RPS6KC1: variants seen among roughly 807,000 people sequenced by gnomAD.
RPS6KC1 encodes inactive ribosomal protein S6 kinase delta-1.
RPS6KC1 carries 54 observed loss-of-function variants against 103.8 expected under a neutral mutation model. The ratio of observed to expected loss-of-function variants is 0.52; its 90% CI spans 0.42 to 0.65. RPS6KC1 has a LOEUF of 0.65. Ranked by LOEUF, RPS6KC1 falls within the 30% of genes least tolerant of loss-of-function variation. RPS6KC1 has a pLI of 0.00. For synonymous variants in RPS6KC1, 439 were observed against 438.7 expected (o/e 1.00, Z -0.01); for missense variants, 1,151 against 1,253.8 (o/e 0.92, Z 1.24).
At chr1:213,823,100 C>T in the RPS6KC1 span, among the ~76,000 whole-genome samples, 1 of 152,178 alleles carries the variant, frequency 6.6e-6, no homozygotes, top group Non-Finnish European at 1.5e-5. Flanking sequence ...TAAATCAAAG[C>T]CTTGCTACTT....
the RPS6KC1 span, among the ~76,000 whole-genome samples, chr1:213,851,457 T>A: frequency 6.6e-6 from 1 of 152,198 alleles, no homozygotes; most frequent in East Asian, 1.9e-4. Context: ...CTGGCTCATC[T>A]TCCCCTGCCT....
At chr1:213,423,855 T>C in the RPS6KC1 span, among the ~76,000 whole-genome samples, 2 of 152,228 alleles carry the variant, frequency 1.3e-5, no homozygotes, top group Non-Finnish European at 2.9e-5. Flanking sequence ...AGAGCTCTTC[T>C]GCACAACGAG....
At chr1:213,731,099 G>A in the RPS6KC1 span, among the ~76,000 whole-genome samples, 3 of 151,670 alleles carry the variant, frequency 2.0e-5, no homozygotes, top group South Asian at 6.2e-4. Flanking sequence ...CTTATTTCTG[G>A]GTTCTCTATT....
At chr1:213,520,063 G>A in the RPS6KC1 span, among the ~76,000 whole-genome samples, 2 of 152,102 alleles carry the variant, frequency 1.3e-5, no homozygotes, top group African/African-American at 4.8e-5. Context: ...CAAACCAATG[G>A]TGGTTCTTAT....
chr1:213,106,754 G>A (rs544893139), intron 4 of RPS6KC1, among the ~76,000 whole-genome samples: 1 of 152,170 alleles, frequency 6.6e-6, no homozygotes, highest in East Asian at 1.9e-4. Context: ...ATGACCCATG[G>A]CCTGGTTTCA....
chr1:213,504,140 T>C, the RPS6KC1 span, among the ~76,000 whole-genome samples: 43 of 152,328 alleles, frequency 2.8e-4, no homozygotes, highest in African/African-American at 9.9e-4. Flanking sequence ...TATGATAATT[T>C]CTTTTAATAA....
chr1:213,566,435 T>C, the RPS6KC1 span, among the ~76,000 whole-genome samples: 2 of 124,970 alleles, frequency 1.6e-5, no homozygotes, highest in East Asian at 2.6e-4. Context: ...TCTCAGCCTT[T>C]AGTTTTTTTT....
At chr1:213,261,477 G>GC in intron 12 of RPS6KC1, 81 bp from the exon 13 acceptor site, 1 of 1,258,414 alleles carries the variant, frequency 7.9e-7, no homozygotes, top group Non-Finnish European at 1.2e-6. Context: ...CATTAAAAAG[G>GC]TCACCTTGCT....
intron 8 of RPS6KC1, among the ~76,000 whole-genome samples, chr1:213,177,731 G>T (rs887238159): frequency 6.6e-6 from 1 of 152,118 alleles, no homozygotes; most frequent in African/African-American, 2.4e-5. Context: ...TAGTAATTGA[G>T]TAGTTTCTAG....
At chr1:213,654,085 C>T in the RPS6KC1 span, among the ~76,000 whole-genome samples, 1 of 152,230 alleles carries the variant, frequency 6.6e-6, no homozygotes, top group Admixed American at 6.5e-5. Context: ...TGGCAGATTA[C>T]TTATCTCTCA....
chr1:213,270,408 A>G (rs2095019969), intron 14 of RPS6KC1, among the ~76,000 whole-genome samples: 1 of 152,246 alleles, frequency 6.6e-6, no homozygotes. Flanking sequence ...AGCATGGTCC[A>G]TAAAAGGAAA....
chr1:213,168,774 C>G (rs959464783), intron 7 of RPS6KC1, among the ~76,000 whole-genome samples: 1 of 152,040 alleles, frequency 6.6e-6, no homozygotes, highest in Non-Finnish European at 1.5e-5. Context: ...AGGCACCCAC[C>G]ACATGCCCGG....
At chr1:213,205,670 T>C (rs1218787509) in intron 8 of RPS6KC1, among the ~76,000 whole-genome samples, 6 of 150,490 alleles carry the variant, frequency 4.0e-5, no homozygotes, top group African/African-American at 1.5e-4. Context: ...AATATACTTA[T>C]TTTGAAAATA....
chr1:213,287,366 A>G, the RPS6KC1 span, among the ~76,000 whole-genome samples: 21 of 152,088 alleles, frequency 1.4e-4, no homozygotes, highest in African/African-American at 5.1e-4. Context: ...GCTAGCCTTT[A>G]TTGGTATCTT....
At chr1:213,611,328 A>T in the RPS6KC1 span, among the ~76,000 whole-genome samples, 1 of 152,096 alleles carries the variant, frequency 6.6e-6, no homozygotes, top group South Asian at 2.1e-4. Context: ...AGCTGCCCCC[A>T]TGAAGCACAT....
the RPS6KC1 span, among the ~76,000 whole-genome samples, chr1:213,669,836 T>G: frequency 2.0e-5 from 3 of 152,190 alleles, no homozygotes; most frequent in African/African-American, 7.2e-5. Context: ...TCAATTCTTC[T>G]AACTCCCAAG....
At chr1:213,580,076 A>T in the RPS6KC1 span, among the ~76,000 whole-genome samples, 74 of 152,202 alleles carry the variant, frequency 4.9e-4, no homozygotes, top group African/African-American at 1.6e-3. Context: ...TGCCATGGGT[A>T]GCGATTCCTC....
chr1:213,508,663 A>G, the RPS6KC1 span, among the ~76,000 whole-genome samples: 13 of 152,180 alleles, frequency 8.5e-5, no homozygotes, highest in Non-Finnish European at 1.6e-4. Context: ...CAATTTCCAC[A>G]TATAACCCAG....
chr1:213,561,124 A>G, the RPS6KC1 span, among the ~76,000 whole-genome samples: 2 of 152,220 alleles, frequency 1.3e-5, no homozygotes, highest in South Asian at 2.1e-4. Flanking sequence ...TCTGGTCACC[A>G]GTCTCAAATA....
Sources: gnomAD v4.1 joint callset for allele counts (sites outside exome capture counted in the v4.1 genomes callset) on GRCh38, gnomAD v4.1.1 for gene constraint, MANE v1.5 for transcripts, NCBI Gene and HGNC (gene_info 2026-07-23, HGNC 2026-07-21) for gene names.